CNNM1: variants seen among roughly 807,000 people sequenced by gnomAD.
CNNM1 encodes cyclin and CBS domain divalent metal cation transport mediator 1.
A neutral mutation model predicts 78.8 loss-of-function variants in CNNM1; 44 were observed. The observed-to-expected ratio is 0.56, with a 90% CI of 0.44 to 0.72. The LOEUF (loss-of-function observed/expected upper bound fraction) is 0.72. Ranked by LOEUF, CNNM1 falls within the 30% of genes least tolerant of loss-of-function variation. The pLI, the probability that CNNM1 is intolerant of heterozygous loss-of-function variation, is 0.00. For missense variants in CNNM1, 1,101 were observed against 1,292.2 expected (o/e 0.85, Z 2.27); for synonymous variants, 584 against 581.5 (o/e 1.00, Z -0.06).
intron 9 of CNNM1, among the ~76,000 whole-genome samples, chr10:99,389,527 T>C (rs1487647148): frequency 6.6e-6 from 1 of 152,020 alleles, no homozygotes; most frequent in Non-Finnish European, 1.5e-5. Context: ...GACCTGAATT[T>C]AGAACTGATG....
intron 6 of CNNM1, among the ~76,000 whole-genome samples, chr10:99,372,440 T>G (rs1017005881): frequency 2.6e-5 from 4 of 152,172 alleles, no homozygotes; most frequent in African/African-American, 9.7e-5. Context: ...GATGGGTTGG[T>G]TGCTTGGCCT....
At chr10:99,341,922 A>G (rs528823869) in intron 1 of CNNM1, among the ~76,000 whole-genome samples, 1 of 152,210 alleles carries the variant, frequency 6.6e-6, no homozygotes, top group Non-Finnish European at 1.5e-5. Context: ...TCTTTTCTTG[A>G]TGACGCAGGA....
intron 6 of CNNM1, chr10:99,368,751 AC>A: frequency 9.1e-7 from 1 of 1,097,396 alleles, no homozygotes; most frequent in Non-Finnish European, 1.2e-6. Context: ...GGCCTCTGTC[AC>A]TTTCCTGCAT....
intron 9 of CNNM1, among the ~76,000 whole-genome samples, chr10:99,388,561 C>G (rs1027400317): frequency 6.6e-6 from 1 of 152,186 alleles, no homozygotes; most frequent in African/African-American, 2.4e-5. Flanking sequence ...GACCCTGGCT[C>G]CTTCGTTTAG....
chr10:99,388,089 A>T (rs1173643709), intron 8 of CNNM1, 63 bp from the exon 9 acceptor site: 5 of 1,602,346 alleles, frequency 3.1e-6, no homozygotes, highest in Non-Finnish European at 4.3e-6. Context: ...CCCAGGGCTC[A>T]CACCACCTGA....
At position 99,390,504 on chromosome 10, in the gene CNNM1, C is replaced by A. The variant is rs2032442995; in HGVS notation, c.2776+97C>A. On this transcript the variant is annotated intron_variant, in intron 10 of 10. Transcript: ENST00000356713. ...TTCCTCTTGGGGGAGGAGCCATGGACTCCTCTTAGAAACCCTAATGAGGTA... is the reference window on the plus strand; with the variant it reads ...TTCCTCTTGGGGGAGGAGCCATGGAATCCTCTTAGAAACCCTAATGAGGTA... The A allele has an allele frequency of 6.0e-6, 5 of 839,698 alleles. No individual in the cohort carries two copies. The East Asian group carries it at 1.1e-4, about 18-fold the overall frequency. The allele number at this position is 839,698 out of a possible 1,614,324, so 52.0% of individuals were successfully genotyped here.
intron 6 of CNNM1, among the ~76,000 whole-genome samples, chr10:99,367,881 A>AC (rs2031674365): frequency 4.4e-3 from 1 of 226 alleles, no homozygotes; most frequent in Non-Finnish European, 0.01. Flanking sequence ...CTGGACTGTT[A>AC]TACACACTGA....
At chr10:99,386,557 C>G (rs771474978) in intron 7 of CNNM1, among the ~76,000 whole-genome samples, 2 of 152,150 alleles carry the variant, frequency 1.3e-5, no homozygotes, top group Non-Finnish European at 2.9e-5. Context: ...CAAAAAGGCA[C>G]GTATTCTTAA....
At chr10:99,337,264 G>A (rs1014650901) in intron 1 of CNNM1, among the ~76,000 whole-genome samples, 1 of 152,170 alleles carries the variant, frequency 6.6e-6, no homozygotes, top group African/African-American at 2.4e-5. Context: ...ATAATCTCCA[G>A]TAATGTCACT....
chr10:99,356,124 T>C (rs921166666), intron 1 of CNNM1, among the ~76,000 whole-genome samples: 4 of 152,152 alleles, frequency 2.6e-5, no homozygotes, highest in Non-Finnish European at 2.9e-5. Flanking sequence ...TTATCTCTGC[T>C]TCACAGTGTC....
chr10:99,387,703 C>A (rs1457035791), intron 7 of CNNM1, 117 bp from the exon 8 acceptor site: 3 of 1,049,310 alleles, frequency 2.9e-6, no homozygotes, highest in African/African-American at 3.2e-5. Flanking sequence ...GATCTCAGGC[C>A]TCAGAGGCCG....
Position 99,390,356 on chromosome 10 carries a change from TGCAGTA to T in CNNM1, c.2728_2733del (p.Ser910_Ser911del). 6.2e-7 allele frequency: 1 copy of T among 1,613,352 alleles called. No homozygotes were observed. Among genetic ancestry groups the T allele is most frequent in the Non-Finnish European group, 8.5e-7 (1 of 1,179,644 alleles). On this transcript the variant is annotated inframe_deletion, in exon 10 of 11. Transcript: ENST00000356713. ...CAACCTGGATACAGAGACCAGCCCC[TGCAGTA>T]GCGATTTTGAGGAAAACGTGGGCAA...
chr10:99,387,816 C>G lies in CNNM1; in HGVS notation c.2341-4C>G. The G allele has an allele frequency of 1.3e-6, 2 of 1,589,904 alleles. No individual in the cohort carries two copies. The highest frequency in any genetic ancestry group is 1.2e-5 in the South Asian group (1 of 86,258). On this transcript the variant is annotated splice_polypyrimidine_tract_variant and splice_region_variant and intron_variant, in intron 7 of 10. Coordinates refer to ENST00000356713, the MANE Select transcript of CNNM1 (RefSeq NM_020348.3). ...CTCCTAAGCTCCTGCCCTCTTCCTT[C>G]CAGATCACACGGCAGCAATATCAGA...
intron 1 of CNNM1, among the ~76,000 whole-genome samples, chr10:99,340,732 C>T (rs1007347348): frequency 2.1e-5 from 3 of 144,932 alleles, no homozygotes; most frequent in Non-Finnish European, 3.0e-5. Flanking sequence ...TTCATTCCCT[C>T]CCTCCCTCCC....
At chr10:99,340,802 TTC>T (rs555950625) in intron 1 of CNNM1, among the ~76,000 whole-genome samples, 155 of 150,484 alleles carry the variant, frequency 1.0e-3, no homozygotes, top group African/African-American at 3.5e-3. Context: ...CTTTCTTACT[TTC>T]TCTTTCTTTC....
intron 1 of CNNM1, among the ~76,000 whole-genome samples, chr10:99,345,102 T>C (rs953798927): frequency 5.9e-5 from 9 of 152,232 alleles, no homozygotes; most frequent in Non-Finnish European, 1.3e-4. Context: ...ACTAATATTG[T>C]CCTTGGATAA....
intron 1 of CNNM1, 118 bp from the exon 2 acceptor site, chr10:99,357,394 T>G: frequency 1.1e-6 from 1 of 920,014 alleles, no homozygotes; most frequent in Admixed American, 2.7e-5. Flanking sequence ...TTTAAGGAGG[T>G]CCAGGGATGA....
intron 1 of CNNM1, among the ~76,000 whole-genome samples, chr10:99,356,571 A>G (rs2031194173): frequency 8.4e-6 from 1 of 118,938 alleles, no homozygotes; most frequent in Non-Finnish European, 1.7e-5. Context: ...ACAGAAAGAA[A>G]GAAAGAAAGA....
intron 6 of CNNM1, among the ~76,000 whole-genome samples, chr10:99,371,857 C>A (rs1330371021): frequency 6.6e-6 from 1 of 152,112 alleles, no homozygotes; most frequent in Non-Finnish European, 1.5e-5. Context: ...AATTAAGCTT[C>A]CTCATCCATT....
Sources: allele counts gnomAD v4.1 joint callset (sites outside exome capture counted in the v4.1 genomes callset), GRCh38; gene constraint gnomAD v4.1.1; transcripts MANE v1.5; gene names NCBI Gene and HGNC (gene_info 2026-07-23, HGNC 2026-07-21).